Variants in ATF6 observed in about 807,000 individuals in gnomAD.
ATF6 encodes the protein activating transcription factor 6, also known as cyclic AMP-dependent transcription factor ATF-6 alpha.
ATF6 carries 53 observed loss-of-function variants against 83.6 expected under a neutral mutation model. The ratio of observed to expected loss-of-function variants is 0.63; its 90% CI spans 0.51 to 0.80. The LOEUF (loss-of-function observed/expected upper bound fraction) is 0.80, where lower values mean the gene tolerates loss of function less well. ATF6 is among the 30% of genes least tolerant of loss of function. ATF6 has a pLI of 0.00. For missense variants in ATF6, 744 were observed against 797.9 expected (o/e 0.93, Z 0.81); for synonymous variants, 288 against 285.8 (o/e 1.01, Z -0.08).
At chr1:161,879,784 T>C (rs1469980768) in intron 14 of ATF6, among the ~76,000 whole-genome samples, 1 of 152,098 alleles carries the variant, frequency 6.6e-6, no homozygotes, top group African/African-American at 2.4e-5. Context: ...CACTTCGAAA[T>C]GCTGTGAAGC....
intron 9 of ATF6, among the ~76,000 whole-genome samples, chr1:161,827,449 C>G (rs1685931252): frequency 6.6e-6 from 1 of 152,130 alleles, no homozygotes; most frequent in Non-Finnish European, 1.5e-5. Context: ...ATTGTGAGCT[C>G]TATCTGAACT....
rs1344015942 is a variant in ATF6, at chr1:161,894,363, AT to A, written c.1720-17932del. ...GTTGAAATTAGTAGATCTAATTTTT[AT>A]GATTGAGTGAAATGTCTTAAACCAC... On this transcript the variant is annotated intron_variant, in intron 14 of 15. Coordinates refer to ENST00000367942, the MANE Select transcript of ATF6 (RefSeq NM_007348.4). Among the ~76,000 whole-genome samples the A allele has an allele frequency of 6.6e-5, 10 of 151,496 alleles. No homozygotes were observed. The East Asian group carries it at 1.9e-3, about 29-fold the overall frequency.
chr1:161,822,411 T>C (rs12405965), intron 9 of ATF6, among the ~76,000 whole-genome samples: 21,514 of 152,070 alleles, frequency 0.14, 2,054 homozygotes, highest in East Asian at 0.31. Context: ...TTGGGAGATG[T>C]AGAAAGCTGA....
At chr1:161,838,896 A>G (rs775593808) in intron 9 of ATF6, among the ~76,000 whole-genome samples, 1 of 152,198 alleles carries the variant, frequency 6.6e-6, no homozygotes, top group Non-Finnish European at 1.5e-5. Context: ...AATTACCCCC[A>G]GTTACTACTA....
At chr1:161,898,281 G>A (rs1300215857) in intron 14 of ATF6, among the ~76,000 whole-genome samples, 9 of 152,146 alleles carry the variant, frequency 5.9e-5, no homozygotes, top group Non-Finnish European at 8.8e-5. Flanking sequence ...CTAATATTCT[G>A]TATTGCTAAT....
chr1:161,950,576 T>G (rs1688842279), intron 15 of ATF6, among the ~76,000 whole-genome samples: 1 of 152,232 alleles, frequency 6.6e-6, no homozygotes, highest in Non-Finnish European at 1.5e-5. Flanking sequence ...GCCAGTGTTT[T>G]AATCATTAGA....
intron 10 of ATF6, among the ~76,000 whole-genome samples, chr1:161,850,346 A>G (rs1335645862): frequency 6.6e-6 from 1 of 151,490 alleles, no homozygotes. Context: ...CTTTGAGCCC[A>G]CCTTTCCCCC....
intron 14 of ATF6, among the ~76,000 whole-genome samples, chr1:161,878,362 A>G (rs1003448771): frequency 3.3e-5 from 5 of 152,018 alleles, no homozygotes; most frequent in Admixed American, 1.3e-4. Flanking sequence ...TGATCCACCC[A>G]CCTCAGCCTC....
intron 14 of ATF6, chr1:161,890,970 A>G (rs905767043): frequency 6.6e-6 from 1 of 152,264 alleles, no homozygotes; most frequent in Non-Finnish European, 1.5e-5. Context: ...AGAGCCGGAC[A>G]TGCAGGGGAA....
intron 9 of ATF6, among the ~76,000 whole-genome samples, chr1:161,841,914 G>C (rs555931420): frequency 1.6e-4 from 24 of 152,264 alleles, no homozygotes; most frequent in Non-Finnish European, 2.4e-4. Flanking sequence ...AGACTACAAG[G>C]ATAGTTAAGC....
At chr1:161,828,967 G>C (rs1465296839) in intron 9 of ATF6, among the ~76,000 whole-genome samples, 1 of 152,076 alleles carries the variant, frequency 6.6e-6, no homozygotes, top group African/African-American at 2.4e-5. Flanking sequence ...GAAAACAAAA[G>C]GCAGGGGTTG....
intron 2 of ATF6, 39 bp downstream of exon 2, chr1:161,778,359 C>G: frequency 6.6e-7 from 1 of 1,510,902 alleles, no homozygotes; most frequent in Non-Finnish European, 9.2e-7. Context: ...GATATTTAGT[C>G]TTTAACCCTA....
intron 14 of ATF6, chr1:161,891,271 C>CT (rs1353476349): frequency 1.3e-5 from 2 of 152,548 alleles, no homozygotes; most frequent in South Asian, 2.1e-4. Flanking sequence ...GTGGAGTTGA[C>CT]TGAGTGGGTG....
At chr1:161,933,899 A>C (rs931252175) in intron 15 of ATF6, among the ~76,000 whole-genome samples, 1 of 152,178 alleles carries the variant, frequency 6.6e-6, no homozygotes, top group Admixed American at 6.5e-5. Context: ...AGATCGTTAC[A>C]TGGCTCGCTT....
intron 14 of ATF6, among the ~76,000 whole-genome samples, chr1:161,878,515 A>G (rs1687265696): frequency 6.6e-6 from 1 of 152,134 alleles, no homozygotes; most frequent in African/African-American, 2.4e-5. Context: ...TAGATTTTGA[A>G]TTGGAGAAGG....
chr1:161,821,363 G>A (rs1685756801), intron 9 of ATF6, among the ~76,000 whole-genome samples: 1 of 152,192 alleles, frequency 6.6e-6, no homozygotes, highest in South Asian at 2.1e-4. Flanking sequence ...GGTATAATGT[G>A]ATGAACATAA....
chr1:161,801,480 A>G (rs988117256), intron 6 of ATF6, among the ~76,000 whole-genome samples: 6 of 148,742 alleles, frequency 4.0e-5, no homozygotes, highest in African/African-American at 1.2e-4. Context: ...TTTTTTGTAG[A>G]GACAGGCTAT....
At position 161,858,368 on chromosome 1, in the gene ATF6, T is replaced by G. The variant is rs2134695; in HGVS notation, c.1534-1839T>G. Among the ~76,000 whole-genome samples the G allele has an allele frequency of 3.7e-3, 560 of 152,178 alleles. 4 individuals carry two copies. Among genetic ancestry groups the G allele is most frequent in the Non-Finnish European group, 5.6e-3 (379 of 68,000 alleles). ...TAAAAAGGAAAGATCCAACTATATA[T>G]TGTTTATAAGAAATAACACTTTAAA... On this transcript the variant is annotated intron_variant, in intron 12 of 15. Coordinates refer to ENST00000367942, the MANE Select transcript of ATF6 (RefSeq NM_007348.4).
chr1:161,905,722 A>G (rs1341744566), intron 14 of ATF6, among the ~76,000 whole-genome samples: 1 of 152,086 alleles, frequency 6.6e-6, no homozygotes. Context: ...GCCCTAACTT[A>G]TTTTCCTAAA....
Sources: gnomAD v4.1 joint callset for allele counts (sites outside exome capture counted in the v4.1 genomes callset) on GRCh38, gnomAD v4.1.1 for gene constraint, MANE v1.5 for transcripts, NCBI Gene and HGNC (gene_info 2026-07-23, HGNC 2026-07-21) for gene names.